PRR5: variants seen among roughly 807,000 people sequenced by gnomAD.
PRR5 encodes proline rich 5.
PRR5 carries 25 observed loss-of-function variants against 30.6 expected under a neutral mutation model. The observed-to-expected ratio is 0.82, with a 90% CI of 0.60 to 1.14. The LOEUF (loss-of-function observed/expected upper bound fraction) is 1.14. Among genes scored for constraint, PRR5 ranks in the 50% most tolerant of loss-of-function variants. PRR5 has a pLI of 0.00. For missense variants in PRR5, 600 were observed against 547.1 expected (o/e 1.10, Z -0.96); for synonymous variants, 286 against 247.1 (o/e 1.16, Z -1.48).
Position 44,702,607 on chromosome 22 carries a change from A to G in PRR5, c.133A>G (p.Ser45Gly). The change falls in exon 1 of 8, where the codon AGC becomes GGC. Residue 45 changes from serine (S) to glycine (G), a missense_variant and splice_region_variant. Physicochemically the swap from Ser to Gly is moderately conservative, Grantham distance 56. Coordinates refer to ENST00000336985, the MANE Select transcript of PRR5 (RefSeq NM_181333.4). ...GGCCTGCGCCAACGCCACCTGGAAC[A>G]GGTAAGGCCGCGCCCTCCCGGCCAC... ...RRACANATWN[S>G]IHNGVIAVFQ... 11 of 1,346,614 alleles carry G rather than the reference A, an allele frequency of 8.2e-6. No individual in the cohort carries two copies. Among genetic ancestry groups the G allele is most frequent in the Non-Finnish European group, 9.5e-6 (10 of 1,047,316 alleles). The allele number at this position is 1,346,614 out of a possible 1,614,324, so 83.4% of individuals were successfully genotyped here.
At chr22:44,716,834 G>A (rs746079435) in intron 2 of PRR5, among the ~76,000 whole-genome samples, 2 of 152,144 alleles carry the variant, frequency 1.3e-5, no homozygotes, top group Non-Finnish European at 2.9e-5. Context: ...GCCGAGGCAG[G>A]AGGATTGCTT....
In PRR5 at chr22:44,702,448, G is replaced by A. The variant is rs905036641; in HGVS notation, c.-27G>A. On this transcript the variant is annotated 5_prime_UTR_variant, in exon 1 of 8. Coordinates refer to ENST00000336985, the MANE Select transcript of PRR5 (RefSeq NM_181333.4). ...CAGGGCGCGGCGTGGGGCGCGCGTG[G>A]GCGCGGCGCAGGCGGCCCGGGTCAC... 1 of 1,311,036 alleles carries A rather than the reference G, an allele frequency of 7.6e-7. No individual in the cohort carries two copies. 81.2% of individuals were successfully genotyped at this position (1,311,036 alleles called of 1,614,324 possible).
At chr22:44,682,579 C>T (rs2085422161) in intron 1 of PRR5, among the ~76,000 whole-genome samples, 1 of 152,166 alleles carries the variant, frequency 6.6e-6, no homozygotes, top group South Asian at 2.1e-4. Flanking sequence ...GAGGCCGGCA[C>T]GGGGTGACTG....
intron 2 of PRR5, among the ~76,000 whole-genome samples, chr22:44,724,153 A>G (rs935484552): frequency 1.3e-5 from 2 of 152,170 alleles, no homozygotes; most frequent in South Asian, 4.1e-4. Flanking sequence ...AAGTTTTCCT[A>G]GGCCGGGTGT....
chr22:44,726,187 C>T (rs1920943421), intron 3 of PRR5, among the ~76,000 whole-genome samples: 1 of 152,218 alleles, frequency 6.6e-6, no homozygotes, highest in African/African-American at 2.4e-5. Flanking sequence ...GCAGTGCGTC[C>T]AGGGTCCCTG....
chr22:44,672,071 GTATTAA>G (rs1923458737), upstream of PRR5, among the ~76,000 whole-genome samples: 1 of 152,244 alleles, frequency 6.6e-6, no homozygotes, highest in Admixed American at 6.5e-5. Context: ...CGTGGTATTG[GTATTAA>G]TGTTAATGTT....
intron 7 of PRR5, among the ~76,000 whole-genome samples, chr22:44,736,559 T>G (rs1923294446): frequency 6.6e-6 from 1 of 152,204 alleles, no homozygotes; most frequent in Non-Finnish European, 1.5e-5. Context: ...TGAGGTCCTG[T>G]GTGACCAGGC....
intron 6 of PRR5, among the ~76,000 whole-genome samples, chr22:44,733,556 T>G (rs1922632262): frequency 6.6e-6 from 1 of 151,896 alleles, no homozygotes; most frequent in African/African-American, 2.4e-5. Flanking sequence ...GTTGAGAGAG[T>G]TTAGGTCAGG....
chr22:44,714,448 G>A (rs112726064), intron 1 of PRR5, 143 bp from the exon 2 acceptor site: 8 of 1,175,004 alleles, frequency 6.8e-6, no homozygotes, highest in African/African-American at 6.1e-5. Context: ...CAGGGCCTCG[G>A]AGTTGAAGTG....
chr22:44,674,846 T>C (rs911331757), upstream of PRR5, among the ~76,000 whole-genome samples: 7 of 150,656 alleles, frequency 4.6e-5, no homozygotes, highest in Admixed American at 3.3e-4. Flanking sequence ...CTCAGGAGGG[T>C]GAGGCAGGAG....
At chr22:44,701,228 C>A (rs1471428909), upstream of PRR5, among the ~76,000 whole-genome samples, 1 of 152,190 alleles carries the variant, frequency 6.6e-6, no homozygotes, top group Non-Finnish European at 1.5e-5. Flanking sequence ...GTGGCTGTCA[C>A]CCCCCATCTG....
intron 1 of PRR5, among the ~76,000 whole-genome samples, chr22:44,678,659 A>G (rs959824291): frequency 6.6e-6 from 1 of 152,154 alleles, no homozygotes; most frequent in Admixed American, 6.6e-5. Context: ...TTCTCTAGAA[A>G]GTCTTCCTGG....
chr22:44,722,086 G>A lies in PRR5; in HGVS notation c.216-3158G>A, dbSNP rs576790178. Among the ~76,000 whole-genome samples, 219 of 152,296 alleles carry A rather than the reference G, an allele frequency of 1.4e-3. 2 individuals carry two copies. Among genetic ancestry groups the A allele is most frequent in the South Asian group, 2.5e-3 (12 of 4,830 alleles). On this transcript the variant is annotated intron_variant, in intron 2 of 7. Coordinates refer to ENST00000336985, the MANE Select transcript of PRR5 (RefSeq NM_181333.4). ...GGACTGCTGGGGCGGGGGCTGCCTC[G>A]GGGCACCATTGTCTGTGATCACAGG...
In PRR5 at chr22:44,735,207, G is replaced by T. The variant is rs185579713; in HGVS notation, c.691+45G>T. On this transcript the variant is annotated intron_variant, in intron 7 of 7. Transcript: ENST00000336985. ...TTGGGCTGGGGCAGGGGTGACCACG[G>T]GCCCCATCCATTGTGAACAAATGGG... The T allele has an allele frequency of 5.1e-3, 8,007 of 1,575,832 alleles. 39 individuals are homozygous for T. The highest frequency in any genetic ancestry group is 6.3e-3 in the Non-Finnish European group (7,239 of 1,156,890).
At chr22:44,731,870 C>A in intron 5 of PRR5, 49 bp downstream of exon 5, 1 of 1,575,092 alleles carries the variant, frequency 6.3e-7, no homozygotes, top group South Asian at 1.1e-5. Context: ...CTGCTGTGCC[C>A]ACCCTGGCCT....
At chr22:44,724,456 T>C (rs1027474778) in intron 2 of PRR5, among the ~76,000 whole-genome samples, 2 of 152,108 alleles carry the variant, frequency 1.3e-5, no homozygotes, top group East Asian at 3.9e-4. Flanking sequence ...AAAAAAGTTT[T>C]CCTAAAGGGA....
intron 1 of PRR5, among the ~76,000 whole-genome samples, chr22:44,709,635 C>G (rs1281353860): frequency 6.6e-6 from 1 of 152,160 alleles, no homozygotes; most frequent in Non-Finnish European, 1.5e-5. Flanking sequence ...AGGCGGATCA[C>G]CAGGTCAGGA....
chr22:44,732,852 GTGCA>G (rs1922374749), intron 6 of PRR5, among the ~76,000 whole-genome samples: 1 of 121,130 alleles, frequency 8.3e-6, no homozygotes, highest in African/African-American at 3.6e-5. Flanking sequence ...GTGCACACAC[GTGCA>G]CACGCACATA....
rs115187925 is a variant in PRR5, at chr22:44,730,671, C to T, written c.323-1059C>T. 2,138 of 1,033,890 alleles carry T rather than the reference C, an allele frequency of 2.1e-3. 42 individuals carry two copies. In the African/African-American group the frequency reaches 0.035, roughly 17 times the overall value. The allele number at this position is 1,033,890 out of a possible 1,614,324, so 64.0% of individuals were successfully genotyped here. On this transcript the variant is annotated intron_variant, in intron 4 of 7. Transcript: ENST00000336985. ...GTCTGGCAAGCCCAGCTCCTATAGC[C>T]AGCTTGGATGCTCTTCCTCCAGGAA... is the stretch of plus-strand genomic sequence containing the variant.
Sources: allele counts gnomAD v4.1 joint callset (sites outside exome capture counted in the v4.1 genomes callset), GRCh38; gene constraint gnomAD v4.1.1; transcripts MANE v1.5; gene names NCBI Gene and HGNC (gene_info 2026-07-23, HGNC 2026-07-21).